Variants in CLIC5 observed in about 807,000 individuals in gnomAD.
CLIC5 encodes chloride intracellular channel protein 5.
A neutral mutation model predicts 24.7 loss-of-function variants in CLIC5; 20 were observed. The observed-to-expected ratio is 0.81, with a 90% confidence interval of 0.57 to 1.18. The LOEUF (loss-of-function observed/expected upper bound fraction) is 1.18. CLIC5 is among the 50% of genes most tolerant of loss of function. The probability of loss-of-function intolerance (pLI) is 0.00; values close to 1 mark genes in which losing one functional copy is unlikely to be tolerated. For synonymous variants in CLIC5, 159 were observed against 135.6 expected (o/e 1.17, Z -1.20); for missense variants, 341 against 326.1 (o/e 1.05, Z -0.35).
chr6:46,101,989 G>C, the CLIC5 span, among the ~76,000 whole-genome samples: 1 of 151,724 alleles, frequency 6.6e-6, no homozygotes, highest in African/African-American at 2.4e-5. Flanking sequence ...TGTGTTGGGG[G>C]TGGGGGTGGT....
chr6:45,951,112 A>G (rs1471172274), intron 2 of CLIC5, among the ~76,000 whole-genome samples: 1 of 152,208 alleles, frequency 6.6e-6, no homozygotes, highest in African/African-American at 2.4e-5. Flanking sequence ...TAGGTAACAC[A>G]TACATATATA....
intron 1 of CLIC5, among the ~76,000 whole-genome samples, chr6:46,060,368 C>T (rs2127469757): frequency 6.6e-6 from 1 of 151,998 alleles, no homozygotes; most frequent in East Asian, 1.9e-4. Flanking sequence ...ATTGAGGTTA[C>T]TTTTAAGAGA....
intron 5 of CLIC5, among the ~76,000 whole-genome samples, 196 bp from the exon 6 acceptor site, chr6:45,903,451 A>G (rs1762564277): frequency 6.6e-6 from 1 of 152,182 alleles, no homozygotes; most frequent in African/African-American, 2.4e-5. Context: ...TCTTAAGTAA[A>G]CATAATTTGC....
intron 1 of CLIC5, among the ~76,000 whole-genome samples, chr6:45,967,971 T>G (rs1319877265): frequency 1.3e-5 from 2 of 152,132 alleles, no homozygotes; most frequent in Non-Finnish European, 2.9e-5. Context: ...CAACATGAGA[T>G]TTGGCGGGGA....
rs1425452087 is a variant in CLIC5 at position 46,006,097 on chromosome 6, T to C, written c.63+9383A>G. Reference sequence around the variant, plus strand: ...ATATATACACATGTATAAATACATATATATATATATATATACACATGTATA... The same window carrying C: ...ATATATACACATGTATAAATACATACATATATATATATATACACATGTATA... On this transcript the variant is annotated intron_variant, in intron 1 of 5. Transcript: ENST00000339561. Among the ~76,000 whole-genome samples the C allele has an allele frequency of 5.8e-4, 27 of 46,690 alleles. 1 individual carries two copies. The South Asian group carries it at 9.9e-3, about 17-fold the overall frequency. 30.6% of individuals were successfully genotyped at this position (46,690 alleles called of 152,430 possible). A position where few individuals can be genotyped will look rare whatever the true frequency, so the allele number is the denominator to read the frequency against.
At chr6:46,085,065 T>C (rs1315772486), upstream of CLIC5, among the ~76,000 whole-genome samples, 2 of 152,252 alleles carry the variant, frequency 1.3e-5, no homozygotes, top group East Asian at 3.8e-4. Flanking sequence ...GTTGATCGCA[T>C]TGGCTCCTGA....
intron 5 of CLIC5, among the ~76,000 whole-genome samples, chr6:45,909,668 T>C (rs1762760348): frequency 6.6e-6 from 1 of 152,208 alleles, no homozygotes; most frequent in South Asian, 2.1e-4. Context: ...GGGGTTCCAT[T>C]TGTATGTGTT....
intron 1 of CLIC5, among the ~76,000 whole-genome samples, chr6:46,036,610 G>A (rs905443486): frequency 2.0e-5 from 3 of 152,228 alleles, no homozygotes; most frequent in South Asian, 4.2e-4. Flanking sequence ...GCGCCAGGCC[G>A]ACTGCAAAGT....
At chr6:46,125,230 C>T in the CLIC5 span, among the ~76,000 whole-genome samples, 2 of 152,098 alleles carry the variant, frequency 1.3e-5, no homozygotes, top group African/African-American at 4.8e-5. Context: ...ATATACACCA[C>T]AGAATACTAT....
At chr6:46,108,032 CAAAAAAAAAA>C in the CLIC5 span, among the ~76,000 whole-genome samples, 1 of 33,290 alleles carries the variant, frequency 3.0e-5, no homozygotes, top group Non-Finnish European at 5.3e-5. Flanking sequence ...AAAACTCCAT[CAAAAAAAAAA>C]AAAAAAAAAA....
At chr6:45,970,547 C>G (rs1198783335) in intron 1 of CLIC5, among the ~76,000 whole-genome samples, 1 of 152,124 alleles carries the variant, frequency 6.6e-6, no homozygotes, top group Non-Finnish European at 1.5e-5. Flanking sequence ...AAAAATAAAC[C>G]TACCCAGTAA....
intron 1 of CLIC5, among the ~76,000 whole-genome samples, chr6:45,959,359 TACAC>T (rs1764773064): frequency 6.6e-6 from 1 of 152,204 alleles, no homozygotes; most frequent in South Asian, 2.1e-4. Context: ...TCTATTAACA[TACAC>T]AACATCTTAA....
rs1762440220 is a variant in CLIC5 at position 45,898,898 on chromosome 6, A to G, written c.*4190T>C. 6.6e-6 allele frequency: 1 copy of G among 152,364 alleles called. No homozygotes were observed. Among genetic ancestry groups the G allele is most frequent in the Non-Finnish European group, 1.5e-5 (1 of 68,042 alleles). 9.4% of individuals were successfully genotyped at this position (152,364 alleles called of 1,614,324 possible). A position where few individuals can be genotyped will look rare whatever the true frequency, so the allele number is the denominator to read the frequency against. On this transcript the variant is annotated 3_prime_UTR_variant, in exon 6 of 6. Transcript: ENST00000339561. ...TGGATCCTTAAAAGTACATTTTACC[A>G]AAAACAGATTGCTTCTATAGAAACA... is the stretch of plus-strand genomic sequence containing the variant.
intron 1 of CLIC5, among the ~76,000 whole-genome samples, chr6:46,030,691 G>T (rs534566923): frequency 1.1e-4 from 16 of 152,200 alleles, no homozygotes; most frequent in Non-Finnish European, 2.2e-4. Context: ...TTTCCTACAT[G>T]CACACCTTGC....
At chr6:45,905,471 G>T (rs890133494) in intron 5 of CLIC5, among the ~76,000 whole-genome samples, 3 of 136,020 alleles carry the variant, frequency 2.2e-5, no homozygotes, top group Non-Finnish European at 4.6e-5. Flanking sequence ...GGTGACTGGT[G>T]ATACTGAGCT....
chr6:46,032,708 C>T lies in CLIC5; in HGVS notation c.540+46995G>A, dbSNP rs139512493. On this transcript the variant is annotated intron_variant, in intron 1 of 5. Coordinates refer to the CLIC5 transcript ENST00000185206. ...CCTCTTTTCATTCATTCCATAAACA[C>T]ATATTGAAATCCTCTTCGTGCCCTT... Among the ~76,000 whole-genome samples, 932 of 152,302 alleles carry T rather than the reference C, an allele frequency of 6.1e-3. 6 individuals carry two copies. The highest frequency in any genetic ancestry group is 8.8e-3 in the Non-Finnish European group (600 of 68,026).
chr6:45,976,060 T>C (rs1765374869), intron 1 of CLIC5, among the ~76,000 whole-genome samples: 1 of 152,124 alleles, frequency 6.6e-6, no homozygotes, highest in East Asian at 1.9e-4. Context: ...TCTGACACCT[T>C]CTCTGCCTAT....
At chr6:46,025,684 G>A (rs1767309764) in intron 1 of CLIC5, among the ~76,000 whole-genome samples, 1 of 152,168 alleles carries the variant, frequency 6.6e-6, no homozygotes, top group South Asian at 2.1e-4. Context: ...ATGGAATGCT[G>A]GATGGCCTTT....
intron 1 of CLIC5, among the ~76,000 whole-genome samples, chr6:46,058,190 T>C (rs1321988300): frequency 2.0e-5 from 3 of 152,206 alleles, no homozygotes; most frequent in African/African-American, 7.2e-5. Context: ...AAATCTGGCA[T>C]ATAGCAGACA....
Sources: gnomAD v4.1 joint callset for allele counts (sites outside exome capture counted in the v4.1 genomes callset) on GRCh38, gnomAD v4.1.1 for gene constraint, MANE v1.5 for transcripts, NCBI Gene and HGNC (gene_info 2026-07-23, HGNC 2026-07-21) for gene names.